The following RABGAP1 variants were observed in gnomAD, a reference collection of about 807,000 sequenced individuals.
RABGAP1 encodes the protein rab GTPase-activating protein 1.
A neutral mutation model predicts 137.6 loss-of-function variants in RABGAP1; 23 were observed. The observed-to-expected ratio is 0.17, with a 90% CI of 0.12 to 0.24. The LOEUF (loss-of-function observed/expected upper bound fraction) is 0.24, where lower values mean the gene tolerates loss of function less well. RABGAP1 is among the 10% of genes least tolerant of loss of function. The pLI, the probability that RABGAP1 is intolerant of heterozygous loss-of-function variation, is 1.00. For synonymous variants in RABGAP1, 451 were observed against 450.7 expected, an observed-to-expected ratio of 1.00 and a Z score of -0.01; for missense variants, 906 against 1,275.8, an observed-to-expected ratio of 0.71 and a Z score of 4.42.
intron 2 of RABGAP1, among the ~76,000 whole-genome samples, chr9:122,977,191 G>T (rs1346462277): frequency 6.6e-6 from 1 of 152,146 alleles, no homozygotes; most frequent in Admixed American, 6.5e-5. Flanking sequence ...TGAAAGAGAA[G>T]AGAGAGAAAG....
intron 10 of RABGAP1, 82 bp downstream of exon 10, chr9:122,998,848 C>A: frequency 1.2e-6 from 1 of 855,924 alleles, no homozygotes; most frequent in Non-Finnish European, 1.7e-6. Context: ...GCCCTCAGAT[C>A]TTTAAACAGT....
chr9:122,948,553 A>C (rs1834059540), intron 1 of RABGAP1, among the ~76,000 whole-genome samples: 1 of 152,206 alleles, frequency 6.6e-6, no homozygotes, highest in South Asian at 2.1e-4. Flanking sequence ...ATTGACACTC[A>C]AGAAGTAATA....
chr9:123,012,807 A>G (rs1392467134), intron 11 of RABGAP1, among the ~76,000 whole-genome samples: 1 of 152,228 alleles, frequency 6.6e-6, no homozygotes, highest in Non-Finnish European at 1.5e-5. Context: ...TGAAGAGTTA[A>G]TAACAGGAGA....
At chr9:122,992,833 T>A (rs2131798162) in intron 6 of RABGAP1, among the ~76,000 whole-genome samples, 1 of 150,314 alleles carries the variant, frequency 6.7e-6, no homozygotes, top group South Asian at 2.1e-4. Flanking sequence ...CCTAAATAAT[T>A]ATTATACCAA....
At chr9:122,991,998 G>A (rs1453426508) in intron 6 of RABGAP1, among the ~76,000 whole-genome samples, 1 of 151,854 alleles carries the variant, frequency 6.6e-6, no homozygotes, top group East Asian at 1.9e-4. Flanking sequence ...ATTTTAAGTA[G>A]TTTTTTACCT....
intron 12 of RABGAP1, among the ~76,000 whole-genome samples, chr9:123,016,098 A>G (rs1022385815): frequency 1.3e-5 from 2 of 152,212 alleles, no homozygotes; most frequent in Non-Finnish European, 2.9e-5. Flanking sequence ...ATCGATTACT[A>G]TCTCTTATAA....
At position 123,008,562 on chromosome 9, in the gene RABGAP1, A is replaced by G. The variant is rs1423852404; in HGVS notation, c.1375-1792A>G. On this transcript the variant is annotated intron_variant, in intron 10 of 25. Transcript: ENST00000373647. ...TCCATCTCAAAAAAAAAAAAAAAAA[A>G]GAGCTATTGCTGATCTTTGAACTGT... Among the ~76,000 whole-genome samples, 8 of 147,118 alleles carry G rather than the reference A, an allele frequency of 5.4e-5. No homozygotes were observed. In the East Asian group the frequency reaches 1.3e-3, roughly 24 times the overall value.
chr9:123,089,536 C>T (rs1490674168), intron 19 of RABGAP1: 3 of 483,640 alleles, frequency 6.2e-6, no homozygotes, highest in African/African-American at 5.7e-5. Context: ...CAGTTAAAGC[C>T]TTAGGACCCA....
At chr9:123,035,917 T>C (rs1449934402) in intron 13 of RABGAP1, among the ~76,000 whole-genome samples, 1 of 152,186 alleles carries the variant, frequency 6.6e-6, no homozygotes, top group Non-Finnish European at 1.5e-5. Context: ...AATAAAGCCA[T>C]ATCTAACACC....
At position 123,103,224 on chromosome 9, in the gene RABGAP1, C is replaced by A; in HGVS notation, c.*11C>A. ...AAAGAGACTTGCTGAGAGCAGCTGC[C>A]GCCTCCCGACACCTTCAGAAAACAC... On this transcript the variant is annotated 3_prime_UTR_variant, in exon 26 of 26. Transcript: ENST00000373647. The A allele has an allele frequency of 6.2e-7, 1 of 1,613,152 alleles. No homozygotes were observed. The highest frequency in any genetic ancestry group is 8.5e-7 in the Non-Finnish European group (1 of 1,179,626).
At chr9:122,959,364 CAAAAAAAAAAAA>C (rs33932737) in intron 2 of RABGAP1, among the ~76,000 whole-genome samples, 1 of 107,746 alleles carries the variant, frequency 9.3e-6, no homozygotes. Context: ...TGGGGCTTTA[CAAAAAAAAAAAA>C]AAAAAAAAGA....
chr9:122,999,410 C>T (rs1049146821), intron 10 of RABGAP1, among the ~76,000 whole-genome samples: 42 of 151,776 alleles, frequency 2.8e-4, no homozygotes, highest in African/African-American at 7.5e-4. Context: ...AGGCTGGTCT[C>T]GGACTCCTCA....
chr9:123,020,651 T>C (rs2031567782), intron 13 of RABGAP1, among the ~76,000 whole-genome samples, 192 bp downstream of exon 13: 1 of 152,216 alleles, frequency 6.6e-6, no homozygotes, highest in Non-Finnish European at 1.5e-5. Context: ...TTGATTCATA[T>C]CACCTCAGAG....
chr9:123,065,332 C>G lies in RABGAP1; in HGVS notation c.1795-16C>G. Reference sequence around the variant, plus strand: ...ATTAACCTAACTAAACCCTCTCTTTCCTTATGTTTCCACAGGAGTCTCCCC... The same window carrying G: ...ATTAACCTAACTAAACCCTCTCTTTGCTTATGTTTCCACAGGAGTCTCCCC... On this transcript the variant is annotated splice_polypyrimidine_tract_variant and intron_variant, in intron 13 of 25. Coordinates refer to ENST00000373647, the MANE Select transcript of RABGAP1 (RefSeq NM_012197.4). The G allele has an allele frequency of 6.4e-7, 1 of 1,553,834 alleles. No individual in the cohort carries two copies. Among genetic ancestry groups the G allele is most frequent in the Admixed American group, 1.7e-5 (1 of 57,866 alleles).
At chr9:122,968,812 G>A (rs1835315959) in intron 2 of RABGAP1, among the ~76,000 whole-genome samples, 1 of 151,762 alleles carries the variant, frequency 6.6e-6, no homozygotes. Flanking sequence ...ACGGGGTTTT[G>A]CCATGTAGGC....
chr9:123,049,131 G>A (rs758611978), intron 13 of RABGAP1, among the ~76,000 whole-genome samples: 3 of 152,156 alleles, frequency 2.0e-5, no homozygotes, highest in Non-Finnish European at 4.4e-5. Context: ...TTCAACGTGT[G>A]GTATAGATTG....
In RABGAP1 at chr9:123,002,728, C is replaced by G. The variant is rs115742397; in HGVS notation, c.1374+3962C>G. ...AAATATTATCATACAGTATGTTATT[C>G]AAATAATAACATAACTTCTATTAAT... On this transcript the variant is annotated intron_variant, in intron 10 of 25. Coordinates refer to ENST00000373647, the MANE Select transcript of RABGAP1 (RefSeq NM_012197.4). Among the ~76,000 whole-genome samples the G allele has an allele frequency of 5.1e-3, 771 of 151,950 alleles. 4 individuals carry two copies. Among genetic ancestry groups the G allele is most frequent in the African/African-American group, 0.018 (733 of 41,438 alleles).
At chr9:122,950,580 A>T (rs1588155883) in intron 1 of RABGAP1, among the ~76,000 whole-genome samples, 2 of 151,626 alleles carry the variant, frequency 1.3e-5, no homozygotes, top group East Asian at 3.9e-4. Flanking sequence ...CTCTGTTATA[A>T]CAAGCACTAT....
intron 7 of RABGAP1, 62 bp downstream of exon 7, chr9:122,996,213 T>C: frequency 6.4e-7 from 1 of 1,555,924 alleles, no homozygotes; most frequent in Middle Eastern, 1.9e-4. Flanking sequence ...TCTAATGGCA[T>C]AGTTTTACAC....
Sources: gnomAD v4.1 joint callset for allele counts (sites outside exome capture counted in the v4.1 genomes callset) on GRCh38, gnomAD v4.1.1 for gene constraint, MANE v1.5 for transcripts, NCBI Gene and HGNC (gene_info 2026-07-23, HGNC 2026-07-21) for gene names.